SLC5A4: variants seen among roughly 807,000 people sequenced by gnomAD.
SLC5A4 encodes probable glucose sensor protein SLC5A4.
In SLC5A4, 55 loss-of-function variants were observed where a neutral mutation model predicts 70.3. The ratio of observed to expected loss-of-function variants is 0.78; its 90% CI spans 0.63 to 0.98. The LOEUF is 0.98. SLC5A4 is among the 50% of genes least tolerant of loss of function. The probability of loss-of-function intolerance (pLI) is 0.00; values close to 1 mark genes in which losing one functional copy is unlikely to be tolerated. For missense variants in SLC5A4, 735 were observed against 839.2 expected, an observed-to-expected ratio of 0.88 and a Z score of 1.53; for synonymous variants, 268 against 305.7, an observed-to-expected ratio of 0.88 and a Z score of 1.29.
the SLC5A4 span, among the ~76,000 whole-genome samples, chr22:32,297,064 T>A: frequency 6.6e-6 from 1 of 151,428 alleles, no homozygotes; most frequent in Non-Finnish European, 1.5e-5. Flanking sequence ...GCCAGTATTT[T>A]ATCGAGGATT....
chr22:32,228,092 C>T (rs1312951144), intron 11 of SLC5A4, among the ~76,000 whole-genome samples: 3 of 152,190 alleles, frequency 2.0e-5, no homozygotes, highest in Non-Finnish European at 2.9e-5. Flanking sequence ...TGGCCCAAGA[C>T]GAACGAACTT....
At chr22:32,306,997 C>T in the SLC5A4 span, among the ~76,000 whole-genome samples, 320 of 152,246 alleles carry the variant, frequency 2.1e-3, no homozygotes, top group Non-Finnish European at 2.9e-3. Context: ...TCAGGGATGG[C>T]GCTGACCAAT....
At chr22:32,246,000 A>G (rs1351911666) in intron 5 of SLC5A4, among the ~76,000 whole-genome samples, 1 of 152,154 alleles carries the variant, frequency 6.6e-6, no homozygotes, top group Non-Finnish European at 1.5e-5. Context: ...TGCCCTCTCC[A>G]AGAGTATGAC....
chr22:32,335,458 A>T, the SLC5A4 span, among the ~76,000 whole-genome samples: 1 of 152,178 alleles, frequency 6.6e-6, no homozygotes, highest in African/African-American at 2.4e-5. Context: ...GTGGACAGAG[A>T]CAAGAAAAGA....
At chr22:32,353,802 CA>C in the SLC5A4 span, among the ~76,000 whole-genome samples, 2 of 149,498 alleles carry the variant, frequency 1.3e-5, no homozygotes, top group African/African-American at 4.9e-5. Flanking sequence ...CTGCCGTACA[CA>C]GTGTAGCCAC....
chr22:32,311,051 T>C, the SLC5A4 span, among the ~76,000 whole-genome samples: 1 of 152,172 alleles, frequency 6.6e-6, no homozygotes, highest in African/African-American at 2.4e-5. Flanking sequence ...TTCCTATCTT[T>C]AACGCCCATT....
chr22:32,275,917 T>G, the SLC5A4 span, among the ~76,000 whole-genome samples: 1 of 152,220 alleles, frequency 6.6e-6, no homozygotes, highest in South Asian at 2.1e-4. Context: ...TTCTAACTGG[T>G]GTGAGATGGT....
the SLC5A4 span, among the ~76,000 whole-genome samples, chr22:32,306,122 C>T: frequency 3.9e-4 from 59 of 152,278 alleles, no homozygotes; most frequent in African/African-American, 1.3e-3. Context: ...ATCTAGGGAA[C>T]AGTTGACATG....
the SLC5A4 span, among the ~76,000 whole-genome samples, chr22:32,315,805 AAAAAAAAAAAG>A: frequency 7.7e-6 from 1 of 129,532 alleles, no homozygotes. Context: ...AAAAAAAAAA[AAAAAAAAAAAG>A]AGACTGGATC....
At chr22:32,340,389 T>C in the SLC5A4 span, among the ~76,000 whole-genome samples, 101,560 of 152,118 alleles carry the variant, frequency 0.67, 35,131 homozygotes, top group African/African-American at 0.88. Flanking sequence ...CTACTATGTG[T>C]CAGGCACTGT....
the SLC5A4 span, among the ~76,000 whole-genome samples, chr22:32,301,259 C>A: frequency 6.6e-6 from 1 of 152,224 alleles, no homozygotes; most frequent in South Asian, 2.1e-4. Flanking sequence ...CCACGCCCAG[C>A]CACATATTCA....
chr22:32,270,077 G>T, the SLC5A4 span: 1 of 497,372 alleles, frequency 2.0e-6, no homozygotes, highest in East Asian at 4.9e-5. Context: ...CAGAAGAAGC[G>T]AGTGGACACA....
chr22:32,250,596 C>T (rs564235795), intron 3 of SLC5A4, among the ~76,000 whole-genome samples: 45 of 152,308 alleles, frequency 3.0e-4, no homozygotes, highest in Non-Finnish European at 1.6e-4. Context: ...CCATCAATCC[C>T]ATTACTGGGT....
chr22:32,305,291 T>C, the SLC5A4 span, among the ~76,000 whole-genome samples: 1 of 152,058 alleles, frequency 6.6e-6, no homozygotes, highest in Non-Finnish European at 1.5e-5. Context: ...AAGACACGTG[T>C]CTGACTGCTC....
chr22:32,279,153 G>GTA, the SLC5A4 span, among the ~76,000 whole-genome samples: 4 of 152,164 alleles, frequency 2.6e-5, no homozygotes. Context: ...GCGGGCACCT[G>GTA]TAGTCCCAGC....
the SLC5A4 span, among the ~76,000 whole-genome samples, chr22:32,264,988 C>A: frequency 1.3e-5 from 2 of 152,108 alleles, no homozygotes; most frequent in African/African-American, 4.8e-5. Context: ...TAATTGTAGT[C>A]TCTTTCTTAG....
chr22:32,242,265 C>T (rs182165569), intron 5 of SLC5A4, among the ~76,000 whole-genome samples: 1 of 152,252 alleles, frequency 6.6e-6, no homozygotes, highest in Non-Finnish European at 1.5e-5. Flanking sequence ...TAGGTGACTC[C>T]AGGACTGGAG....
intron 8 of SLC5A4, among the ~76,000 whole-genome samples, chr22:32,234,390 A>G (rs974318166): frequency 2.6e-5 from 4 of 152,206 alleles, no homozygotes; most frequent in Non-Finnish European, 5.9e-5. Context: ...TTAAATAGCA[A>G]GGTTTGTAGA....
intron 5 of SLC5A4, among the ~76,000 whole-genome samples, chr22:32,239,568 A>T (rs1182314956): frequency 3.0e-4 from 8 of 26,496 alleles, no homozygotes; most frequent in Non-Finnish European, 5.1e-4. Context: ...ATATATATAT[A>T]TTTATATATA....
Sources: gnomAD v4.1 joint callset for allele counts (sites outside exome capture counted in the v4.1 genomes callset) on GRCh38, gnomAD v4.1.1 for gene constraint, MANE v1.5 for transcripts, NCBI Gene and HGNC (gene_info 2026-07-23, HGNC 2026-07-21) for gene names.